The following FTCD variants were observed in gnomAD, a reference collection of about 807,000 sequenced individuals.
The protein encoded by FTCD is formimidoyltransferase cyclodeaminase, also known as formimidoyltransferase-cyclodeaminase.
Under a neutral mutation model 62.9 loss-of-function variants are expected in FTCD, and 76 were observed. That is an observed-to-expected ratio of 1.21 (90% CI 1.00 to 1.46). FTCD has a LOEUF of 1.46. FTCD is among the 40% of genes most tolerant of loss of function. The pLI, the probability that FTCD is intolerant of heterozygous loss-of-function variation, is 0.00. For synonymous variants in FTCD, 397 were observed against 336.9 expected, an observed-to-expected ratio of 1.18 and a Z score of -1.95; for missense variants, 845 against 751.3, an observed-to-expected ratio of 1.12 and a Z score of -1.46.
chr21:46,137,641 C>T (rs2078900541), intron 12 of FTCD, among the ~76,000 whole-genome samples: 1 of 152,096 alleles, frequency 6.6e-6, no homozygotes, highest in Admixed American at 6.6e-5. Context: ...CTGGAGGGCC[C>T]CCGGAGGCAG....
rs985634184 is a variant in FTCD at position 46,151,661 on chromosome 21, G to GC, written c.532dup (p.Ala178GlyfsTer9). ...GTTAAAAGCAATGAGGAACTTCCTCGCCCCCGTGGCCGTGGCCCCCCAACT... is the reference window on the plus strand; with the variant it reads ...GTTAAAAGCAATGAGGAACTTCCTCGCCCCCCGTGGCCGTGGCCCCCCAACT... On this transcript the variant is annotated frameshift_variant, in exon 5 of 14. Transcript: ENST00000397746. LOFTEE classifies it high-confidence loss of function. 2 of 1,612,944 alleles carry GC rather than the reference G, an allele frequency of 1.2e-6. No homozygotes were observed. The highest frequency in any genetic ancestry group is 1.3e-5 in the African/African-American group (1 of 75,064).
At chr21:46,146,440 G>T (rs1049925470) in intron 7 of FTCD, 113 bp from the exon 8 acceptor site, 2 of 770,052 alleles carry the variant, frequency 2.6e-6, no homozygotes, top group Non-Finnish European at 4.6e-6. Flanking sequence ...CGAGCACACA[G>T]GTGCTTTTGC....
intron 10 of FTCD, chr21:46,142,675 C>A (rs1479922762): frequency 1.8e-4 from 28 of 152,184 alleles, no homozygotes; most frequent in Admixed American, 1.8e-3. Flanking sequence ...GAACAAAGCC[C>A]CCACAGCTTG....
chr21:46,146,347 T>G lies in FTCD; in HGVS notation c.907-20A>C. ...CACCACCTGGAAAAGGGGCTTGGAG[T>G]GGAAACGGCCTCGGCGCGTCTCCAC... On this transcript the variant is annotated intron_variant, in intron 7 of 13. Coordinates refer to ENST00000397746, the MANE Select transcript of FTCD (RefSeq NM_206965.2). 4 of 1,567,540 alleles carry G rather than the reference T, an allele frequency of 2.6e-6. No individual in the cohort carries two copies. The highest frequency in any genetic ancestry group is 3.5e-6 in the Non-Finnish European group (4 of 1,148,470).
chr21:46,136,655 G>A (rs557486570), downstream of FTCD: 20 of 1,472,524 alleles, frequency 1.4e-5, 1 homozygote, highest in Middle Eastern at 7.4e-4. Context: ...GTCTCCTCAC[G>A]CTGCAACCCC....
chr21:46,142,967 G>T (rs2079054893), intron 10 of FTCD, among the ~76,000 whole-genome samples: 1 of 152,150 alleles, frequency 6.6e-6, no homozygotes, highest in Non-Finnish European at 1.5e-5. Context: ...GCTGACTGGT[G>T]TGTTTACAAA....
At position 46,150,244 on chromosome 21, in the gene FTCD, T is replaced by G. The variant is rs781738479; in HGVS notation, c.781A>C (p.Ser261Arg). 2.5e-6 allele frequency: 4 copies of G among 1,609,516 alleles called. No individual in the cohort carries two copies. In the South Asian group the frequency reaches 4.4e-5, roughly 18 times the overall value. The change falls in exon 7 of 14, where the codon AGC (serine) becomes CGC (arginine). Residue 261 changes from serine (S) to arginine (R), a missense_variant. By Grantham distance (110) the Ser-to-Arg change is moderately radical. Transcript: ENST00000397746. ...AGCTGTGAGCCCACCACTGGGAGGC[T>G]CAGCTCCTGCCAAGGCACAGGCAGC... ...EETCREAQELSLPVVGSQLVG... is the reference protein window; with the variant it reads ...EETCREAQELRLPVVGSQLVG...
At position 46,138,550 on chromosome 21, in the gene FTCD, T is replaced by C. The variant is rs773590831; in HGVS notation, c.1401A>G (p.Glu467=). The change falls in exon 12 of 14, where the codon GAA becomes GAG. Residue 467 remains glutamate, a synonymous_variant. Coordinates refer to ENST00000397746, the MANE Select transcript of FTCD (RefSeq NM_206965.2). ...AGGCCAGGTTCCCACACCGGGCCAG[T>C]TCCTGCAGGGCCGGCCACAGCGAGG... is the stretch of plus-strand genomic sequence containing the variant. The part of the protein sequence containing the change: ...TVASLWPALQ[E]LARCGNLACR... The C allele has an allele frequency of 5.0e-6, 8 of 1,587,350 alleles. No homozygotes were observed. In the Admixed American group the frequency reaches 1.4e-4, roughly 28 times the overall value.
intron 1 of FTCD, 95 bp downstream of exon 1, chr21:46,155,375 G>C (rs2079404017): frequency 2.8e-6 from 3 of 1,064,206 alleles, no homozygotes; most frequent in South Asian, 1.3e-5. Context: ...AGACGACCCG[G>C]GACACCAAGC....
At chr21:46,149,401 G>A (rs536869647) in intron 7 of FTCD, among the ~76,000 whole-genome samples, 2 of 152,306 alleles carry the variant, frequency 1.3e-5, no homozygotes, top group African/African-American at 2.4e-5. Flanking sequence ...AAATATGCCC[G>A]AGACTAAACA....
At chr21:46,152,873 G>A (rs1367347343) in intron 3 of FTCD, 34 bp downstream of exon 3, 3 of 1,533,010 alleles carry the variant, frequency 2.0e-6, no homozygotes, top group Admixed American at 3.8e-5. Context: ...AATGAGACGG[G>A]AGCAGAGTGA....
chr21:46,152,509 C>T (rs2079316385), intron 3 of FTCD: 1 of 198,666 alleles, frequency 5.0e-6, no homozygotes, highest in Admixed American at 5.5e-5. Flanking sequence ...TACGTCCCTG[C>T]CTCGGGATTT....
At chr21:46,152,836 A>T (rs1350568377) in intron 3 of FTCD, 71 bp downstream of exon 3, 51 of 1,321,780 alleles carry the variant, frequency 3.9e-5, no homozygotes, top group East Asian at 3.2e-4. Flanking sequence ...GAACTGGGGG[A>T]TACAGAAGGA....
chr21:46,139,747 G>A (rs2078953275), intron 10 of FTCD, among the ~76,000 whole-genome samples: 1 of 152,178 alleles, frequency 6.6e-6, no homozygotes, highest in Non-Finnish European at 1.5e-5. Flanking sequence ...GACTGGCTGG[G>A]GCATCATCCA....
Position 46,139,256 on chromosome 21 carries a change from G to A in FTCD, c.1261-333C>T, listed in dbSNP as rs538511233. Among the ~76,000 whole-genome samples the A allele has an allele frequency of 3.2e-4, 49 of 152,206 alleles. No homozygotes were observed. The East Asian group carries it at 9.3e-3, about 29-fold the overall frequency. On this transcript the variant is annotated intron_variant, in intron 10 of 13. Coordinates refer to ENST00000397746, the MANE Select transcript of FTCD (RefSeq NM_206965.2). ...GAACCTGTAGGCAGGAGTGGCTCTG[G>A]GCCTGTGTCTCCAACACAAGCAGCT...
Position 46,152,890 on chromosome 21 carries a change from C to A in FTCD, c.367+17G>T. 2 of 898,132 alleles carry A rather than the reference C, an allele frequency of 2.2e-6. No homozygotes were observed. The highest frequency in any genetic ancestry group is 1.5e-5 in the South Asian group (1 of 64,758). The allele number at this position is 898,132 out of a possible 1,614,324, so 55.6% of individuals were successfully genotyped here. A position where few individuals can be genotyped will look rare whatever the true frequency, so the allele number is the denominator to read the frequency against. On this transcript the variant is annotated intron_variant, in intron 3 of 13. Transcript: ENST00000397746. ...TGAGACGGGAGCAGAGTGAGGGGGG[C>A]GGGGGGGCACGCTCACCTGGCACGT...
In FTCD at chr21:46,136,898, A is replaced by C; in HGVS notation, c.*89T>G. On this transcript the variant is annotated 3_prime_UTR_variant, in exon 14 of 14. Transcript: ENST00000397746. The stretch of plus-strand genomic sequence containing the variant: ...CACCTACCCTCCGGGCCCCACACGA[A>C]CAAGCTGTGTCCCCACCGAGGTCAC... 1 of 1,595,794 alleles carries C rather than the reference A, an allele frequency of 6.3e-7. No homozygotes were observed. Among genetic ancestry groups the C allele is most frequent in the Non-Finnish European group, 8.5e-7 (1 of 1,172,076 alleles).
chr21:46,139,036 C>G, intron 10 of FTCD, 113 bp from the exon 11 acceptor site: 2 of 829,642 alleles, frequency 2.4e-6, no homozygotes, highest in East Asian at 2.5e-5. Context: ...GGGACCAGTT[C>G]TCTGGGAACC....
Position 46,154,240 on chromosome 21 carries a change from G to A in FTCD, c.147C>T (p.Tyr49=), listed in dbSNP as rs1458282671. 1 of 1,612,800 alleles carries A rather than the reference G, an allele frequency of 6.2e-7. No homozygotes were observed. Among genetic ancestry groups the A allele is most frequent in the Admixed American group, 1.7e-5 (1 of 60,026 alleles). Residue 49 remains tyrosine, a synonymous_variant, in exon 2 of 14, where the codon TAC becomes TAT. Coordinates refer to ENST00000397746, the MANE Select transcript of FTCD (RefSeq NM_206965.2). The part of the protein sequence containing the change: ...DAGPSTNRTV[Y]TFVGPPECVV... Reference sequence around the variant, plus strand: ...CGCACTCCGGCGGCCCCACGAAGGTGTACACGGTGCGGTTGGTGGAAGGGC... The same window carrying A: ...CGCACTCCGGCGGCCCCACGAAGGTATACACGGTGCGGTTGGTGGAAGGGC...
Sources: gnomAD v4.1 joint callset for allele counts (sites outside exome capture counted in the v4.1 genomes callset) on GRCh38, gnomAD v4.1.1 for gene constraint, MANE v1.5 for transcripts, NCBI Gene and HGNC (gene_info 2026-07-23, HGNC 2026-07-21) for gene names.